The following NME9 variants were observed in gnomAD, a reference collection of about 807,000 sequenced individuals.
The protein encoded by NME9 is NME/NM23 family member 9.
A neutral mutation model predicts 44.4 loss-of-function variants in NME9; 48 were observed. That is an observed-to-expected ratio of 1.08 (90% CI 0.86 to 1.37). The LOEUF (loss-of-function observed/expected upper bound fraction) is 1.37. Ranked by LOEUF, NME9 falls within the 40% of genes most tolerant of loss-of-function variation. NME9 has a pLI of 0.00. For synonymous variants in NME9, 139 were observed against 147.1 expected (o/e 0.94, Z 0.40); for missense variants, 325 against 405.2 (o/e 0.80, Z 1.70).
intron 10 of NME9, among the ~76,000 whole-genome samples, chr3:138,303,060 A>G (rs1317513361): frequency 6.6e-6 from 1 of 152,196 alleles, no homozygotes; most frequent in Non-Finnish European, 1.5e-5. Flanking sequence ...GTTGAGGGAG[A>G]TGAAGTCACA....
intron 2 of NME9, 133 bp downstream of exon 2, chr3:138,324,733 CACACACA>C: frequency 1.8e-6 from 1 of 560,674 alleles, no homozygotes. Flanking sequence ...CACACACACA[CACACACA>C]TCACCTGGTT....
At chr3:138,317,888 G>T (rs2053194599) in intron 4 of NME9, among the ~76,000 whole-genome samples, 1 of 152,158 alleles carries the variant, frequency 6.6e-6, no homozygotes, top group Non-Finnish European at 1.5e-5. Context: ...ACCTCCTTGG[G>T]CACAGGGCCC....
At chr3:138,262,466 TC>T (rs1350872671) in exon 9 of NME9, 34 of 1,531,478 alleles carry the variant, frequency 2.2e-5, no homozygotes, top group Non-Finnish European at 2.9e-5. Flanking sequence ...TTTCTTCTCT[TC>T]TTGTTTGGCT....
intron 8 of NME9, among the ~76,000 whole-genome samples, chr3:138,268,767 C>A (rs768380665): frequency 3.2e-4 from 49 of 151,564 alleles, no homozygotes; most frequent in Admixed American, 1.1e-3. Context: ...CAGAGCGAGA[C>A]CCTGTCTGAA....
intron 8 of NME9, chr3:138,264,316 G>A (rs1416838099): frequency 2.5e-6 from 2 of 785,916 alleles, no homozygotes; most frequent in African/African-American, 3.5e-5. Context: ...TGATTTTTGT[G>A]TAGAGCATTT....
chr3:138,329,177 T>C (rs2053973379), intron 1 of NME9, 126 bp downstream of exon 1: 1 of 849,568 alleles, frequency 1.2e-6, no homozygotes, highest in Admixed American at 2.5e-5. Context: ...ATCACTCAAG[T>C]TTGAGAACAC....
intron 8 of NME9, among the ~76,000 whole-genome samples, chr3:138,282,058 C>T (rs1177379012): frequency 6.6e-6 from 1 of 152,198 alleles, no homozygotes; most frequent in Admixed American, 6.5e-5. Flanking sequence ...TGCCCCCGCT[C>T]CTACTTCTCA....
chr3:138,262,764 G>A (rs2047882414), intron 8 of NME9, among the ~76,000 whole-genome samples: 2 of 152,284 alleles, frequency 1.3e-5, no homozygotes, highest in Middle Eastern at 3.4e-3. Context: ...TCTCCCAGGT[G>A]AGAGTAACGA....
Position 138,315,632 on chromosome 3 carries a change from C to T in NME9, c.279G>A (p.Leu93=). The change falls in exon 5 of 11, where the codon CTG becomes CTA. Residue 93 remains leucine, a synonymous_variant. Coordinates refer to ENST00000333911, the MANE Select transcript of NME9 (RefSeq NM_001349018.2). ...PTFLFYAGGE[L]VAVVRGANAP... The stretch of plus-strand genomic sequence containing the variant: ...CATTTGCTCCTCTAACCACAGCCAC[C>T]AGTTCTCCTCCCTAGAATACGTTAC... 1 of 1,535,768 alleles carries T rather than the reference C, an allele frequency of 6.5e-7. No homozygotes were observed.
In NME9 at chr3:138,271,798, C is replaced by CTTTT. The variant is rs776320900; in HGVS notation, c.746-9216_746-9213dup. Among the ~76,000 whole-genome samples, 221 of 136,128 alleles carry CTTTT rather than the reference C, an allele frequency of 1.6e-3. 5 individuals carry two copies. Among genetic ancestry groups the CTTTT allele is most frequent in the African/African-American group, 6.0e-3 (210 of 35,286 alleles). 89.3% of individuals were successfully genotyped at this position (136,128 alleles called of 152,430 possible). On this transcript the variant is annotated intron_variant, in intron 8 of 8. Coordinates refer to the NME9 transcript ENST00000317876. ...AGTTCACAAGATTTTTTTTTTCTTT[C>CTTTT]TTTTTTTTTTTTTTTGATACAGAGT...
At chr3:138,319,807 C>T (rs1198071865) in intron 2 of NME9, among the ~76,000 whole-genome samples, 1 of 152,176 alleles carries the variant, frequency 6.6e-6, no homozygotes, top group Non-Finnish European at 1.5e-5. Context: ...ACAGTATAAG[C>T]ATAGCAGAAA....
chr3:138,305,080 A>G, intron 8 of NME9, 53 bp from the exon 9 acceptor site: 1 of 1,536,952 alleles, frequency 6.5e-7, no homozygotes, highest in South Asian at 1.1e-5. Flanking sequence ...TAGGGCCTGC[A>G]GAGGATCAGC....
chr3:138,282,276 A>G (rs2050003816), intron 8 of NME9, among the ~76,000 whole-genome samples: 1 of 152,214 alleles, frequency 6.6e-6, no homozygotes, highest in Non-Finnish European at 1.5e-5. Flanking sequence ...CAGAACTAGA[A>G]GGAATGTGGT....
intron 6 of NME9, among the ~76,000 whole-genome samples, chr3:138,307,666 C>T (rs1165032907): frequency 6.6e-6 from 1 of 151,952 alleles, no homozygotes; most frequent in African/African-American, 2.4e-5. Context: ...GTGAGATCAC[C>T]TAGAGGTAGA....
chr3:138,307,070 A>C (rs2052327436), intron 6 of NME9, among the ~76,000 whole-genome samples: 1 of 152,164 alleles, frequency 6.6e-6, no homozygotes, highest in South Asian at 2.1e-4. Flanking sequence ...ATGATGTTCC[A>C]TGACTTCTCA....
At chr3:138,328,952 C>T (rs2053960651) in intron 1 of NME9, among the ~76,000 whole-genome samples, 2 of 152,142 alleles carry the variant, frequency 1.3e-5, no homozygotes, top group Non-Finnish European at 2.9e-5. Flanking sequence ...AGTTGTATTT[C>T]AACAAGAACA....
At chr3:138,296,709 A>G (rs912737148), downstream of NME9, 2 of 152,218 alleles carry the variant, frequency 1.3e-5, no homozygotes, top group Non-Finnish European at 2.9e-5. Flanking sequence ...TCCAAGTCAA[A>G]TGGAGAAGTA....
intron 6 of NME9, among the ~76,000 whole-genome samples, chr3:138,309,363 T>C (rs1358019582): frequency 6.6e-6 from 1 of 151,320 alleles, no homozygotes; most frequent in Non-Finnish European, 1.5e-5. Flanking sequence ...AAAATACTAA[T>C]ATGCAAAAAG....
chr3:138,266,397 CA>C (rs1257995019), intron 8 of NME9, among the ~76,000 whole-genome samples: 2 of 152,056 alleles, frequency 1.3e-5, no homozygotes, highest in African/African-American at 4.8e-5. Flanking sequence ...ATCCCTTATC[CA>C]AAACTGTTGG....
Sources: allele counts gnomAD v4.1 joint callset (sites outside exome capture counted in the v4.1 genomes callset), GRCh38; gene constraint gnomAD v4.1.1; transcripts MANE v1.5; gene names NCBI Gene and HGNC (gene_info 2026-07-23, HGNC 2026-07-21).